The following EFHB variants were observed in gnomAD, a reference collection of about 807,000 sequenced individuals.
EFHB encodes EF-hand domain-containing family member B.
EFHB carries 91 observed loss-of-function variants against 87.2 expected under a neutral mutation model. The observed-to-expected ratio is 1.04, with a 90% CI of 0.88 to 1.24. EFHB has a LOEUF of 1.24. Ranked by LOEUF, EFHB falls within the 50% of genes most tolerant of loss-of-function variation. The probability of loss-of-function intolerance (pLI) is 0.00; values close to 1 mark genes in which losing one functional copy is unlikely to be tolerated. For missense variants in EFHB, 1,084 were observed against 998.8 expected, an observed-to-expected ratio of 1.09 and a Z score of -1.15; for synonymous variants, 325 against 333.6, an observed-to-expected ratio of 0.97 and a Z score of 0.28.
In EFHB at chr3:19,888,622, CTCG is replaced by C. The variant is rs1286340675; in HGVS notation, c.1752_1754del (p.Asp584del). The stretch of plus-strand genomic sequence containing the variant: ...TGGCCTGGTCACAAGCTTCCTGCAG[CTCG>C]TCTTTATCTATCATCCCATCTCCCT... On this transcript the variant is annotated inframe_deletion, in exon 10 of 13. Transcript: ENST00000295824. 1 of 1,606,644 alleles carries C rather than the reference CTCG, an allele frequency of 6.2e-7. No homozygotes were observed. The highest frequency in any genetic ancestry group is 1.3e-5 in the African/African-American group (1 of 74,982).
At chr3:19,909,377 A>G (rs1694978207) in intron 5 of EFHB, among the ~76,000 whole-genome samples, 4 of 152,114 alleles carry the variant, frequency 2.6e-5, no homozygotes, top group Admixed American at 2.6e-4. Context: ...AATCAGCCCC[A>G]CCAGAAAAGG....
intron 1 of EFHB, among the ~76,000 whole-genome samples, chr3:19,923,070 A>G (rs1695492007): frequency 6.6e-6 from 1 of 152,136 alleles, no homozygotes; most frequent in South Asian, 2.1e-4. Context: ...GTTCAAGACC[A>G]GTCTGACCAA....
intron 5 of EFHB, among the ~76,000 whole-genome samples, chr3:19,908,598 G>GAAAGAGAGAAAGAA (rs59547593): frequency 5.1e-5 from 4 of 77,798 alleles, no homozygotes; most frequent in Non-Finnish European, 9.7e-5. Flanking sequence ...GAGAGAGAGA[G>GAAAGAGAGAAAGAA]AGAAAGAAAG....
At position 19,882,547 on chromosome 3, in the gene EFHB, T is replaced by A; in HGVS notation, c.2328+3A>T. 6.3e-7 allele frequency: 1 copy of A among 1,592,884 alleles called. No individual in the cohort carries two copies. Among genetic ancestry groups the A allele is most frequent in the Non-Finnish European group, 8.6e-7 (1 of 1,167,452 alleles). ...TCCATTTTTGTATGCTTATATGCTA[T>A]ACCTCTTCTTTTGATCTGGTCTTGA... On this transcript the variant is annotated splice_donor_region_variant and intron_variant, in intron 12 of 12. Coordinates refer to ENST00000295824, the MANE Select transcript of EFHB (RefSeq NM_144715.4).
chr3:19,934,317 A>G (rs1184201296), upstream of EFHB: 6 of 1,043,332 alleles, frequency 5.8e-6, no homozygotes, highest in Middle Eastern at 3.9e-4. Context: ...CTCTCTCTCA[A>G]TCTCTCTCTC....
chr3:19,926,746 C>T (rs577621568), intron 1 of EFHB, among the ~76,000 whole-genome samples: 6 of 151,774 alleles, frequency 4.0e-5, no homozygotes, highest in African/African-American at 7.2e-5. Context: ...CAGCAACCTC[C>T]GCCTCCCGGG....
chr3:19,940,328 C>A, intron 1 of EFHB: 1 of 319,310 alleles, frequency 3.1e-6, no homozygotes, highest in South Asian at 2.7e-5. Context: ...ACAGTGAATC[C>A]CCTAGGCATT....
chr3:19,946,275 G>C (rs911696774), intron 1 of EFHB: 2 of 152,216 alleles, frequency 1.3e-5, no homozygotes, highest in African/African-American at 4.8e-5. Flanking sequence ...TCTACAACTA[G>C]AACTGAAGAC....
chr3:19,896,643 C>A, intron 9 of EFHB, 44 bp downstream of exon 9: 4 of 1,613,510 alleles, frequency 2.5e-6, no homozygotes, highest in Non-Finnish European at 3.4e-6. Flanking sequence ...CTGCTGGGAT[C>A]TGTAAGCCCA....
chr3:19,893,783 G>C (rs1225537299), intron 9 of EFHB, among the ~76,000 whole-genome samples: 1 of 152,164 alleles, frequency 6.6e-6, no homozygotes, highest in Admixed American at 6.5e-5. Context: ...CACAAGGTGA[G>C]CAAATACCAT....
chr3:19,891,503 G>A (rs1036381937), intron 9 of EFHB, among the ~76,000 whole-genome samples: 4 of 152,152 alleles, frequency 2.6e-5, no homozygotes, highest in African/African-American at 9.7e-5. Flanking sequence ...GAAACCTGGT[G>A]GTCTTCACTG....
intron 1 of EFHB, chr3:19,946,393 T>C (rs1471346037): frequency 2.0e-5 from 3 of 152,290 alleles, no homozygotes; most frequent in Non-Finnish European, 2.9e-5. Flanking sequence ...AGTTTCAGAA[T>C]GAAAGACTCG....
In EFHB at chr3:19,882,564, T is replaced by C. The variant is rs1248911813; in HGVS notation, c.2314A>G (p.Arg772Gly). Residue 772 changes from arginine to glycine, a missense_variant, in exon 12 of 13, where the codon AGA (arginine) becomes GGA (glycine). Arg to Gly is a moderately radical substitution (Grantham distance 125, BLOSUM62 -2). Coordinates refer to ENST00000295824, the MANE Select transcript of EFHB (RefSeq NM_144715.4). ...ATATGCTATACCTCTTCTTTTGATC[T>C]GGTCTTGAAGAAGTCTCTTTCAAAC... ...GVFERDFFKT[R>G]SKEEIAEILC... 6.2e-7 allele frequency: 1 copy of C among 1,602,972 alleles called. No individual in the cohort carries two copies. Among genetic ancestry groups the C allele is most frequent in the African/African-American group, 1.3e-5 (1 of 74,950 alleles).
rs186266248 is a variant in EFHB at position 19,932,017 on chromosome 3, C to G, written c.789+1213G>C. On this transcript the variant is annotated intron_variant, in intron 1 of 12. Transcript: ENST00000295824. Reference sequence around the variant, plus strand: ...ACCTGTCATCTCATATTGAAGATAGCCAACACTGGACATTCATTTGCCACC... The same window carrying G: ...ACCTGTCATCTCATATTGAAGATAGGCAACACTGGACATTCATTTGCCACC... Among the ~76,000 whole-genome samples the G allele has an allele frequency of 2.6e-4, 40 of 152,292 alleles. No homozygotes were observed. The East Asian group carries it at 7.7e-3, about 29-fold the overall frequency.
At chr3:19,885,685 C>T (rs1694074827) in intron 10 of EFHB, among the ~76,000 whole-genome samples, 1 of 152,260 alleles carries the variant, frequency 6.6e-6, no homozygotes, top group South Asian at 2.1e-4. Flanking sequence ...AGGGTGGATA[C>T]CGTGGCAAAC....
chr3:19,898,926 T>G, intron 7 of EFHB, 81 bp from the exon 8 acceptor site: 1 of 1,380,614 alleles, frequency 7.2e-7, no homozygotes, highest in Non-Finnish European at 1.0e-6. Context: ...CCATATGTTC[T>G]TAGTAGCCCA....
In EFHB at chr3:19,933,886, C is replaced by T. The variant is rs370568834; in HGVS notation, c.133G>A (p.Glu45Lys). The T allele has an allele frequency of 1.5e-5, 25 of 1,613,870 alleles. No homozygotes were observed. In the African/African-American group the frequency reaches 2.7e-4, roughly 17 times the overall value. The change falls in exon 1 of 13, where the codon GAG (glutamate) becomes AAG (lysine). Residue 45 changes from glutamate to lysine, a missense_variant. Coordinates refer to ENST00000295824, the MANE Select transcript of EFHB (RefSeq NM_144715.4). ...CACTTATTACTAACCACAGGGCTCTCCCCGCATCGGGAATCTTCTTTTCCT... is the reference window on the plus strand; with the variant it reads ...CACTTATTACTAACCACAGGGCTCTTCCCGCATCGGGAATCTTCTTTTCCT... Reference protein sequence around the residue: ...GLGKEDSRCGESPVVSNKCEG... With the variant: ...GLGKEDSRCGKSPVVSNKCEG...
chr3:19,903,339 G>T (rs969934939), intron 6 of EFHB, among the ~76,000 whole-genome samples: 7 of 152,060 alleles, frequency 4.6e-5, no homozygotes, highest in Admixed American at 4.6e-4. Flanking sequence ...ATTGATATTT[G>T]CTCTGCTCTT....
chr3:19,933,867 T>C lies in EFHB; in HGVS notation c.152A>G (p.Asn51Ser), dbSNP rs747041109. 1.1e-5 allele frequency: 18 copies of C among 1,613,836 alleles called. No individual in the cohort carries two copies. The highest frequency in any genetic ancestry group is 1.3e-5 in the African/African-American group (1 of 74,920). ...SRCGESPVVS[N>S]KCEGRMAPPE... ...TGGTGCCATCCTTCCCTCACACTTATTACTAACCACAGGGCTCTCCCCGCA... is the reference window on the plus strand; with the variant it reads ...TGGTGCCATCCTTCCCTCACACTTACTACTAACCACAGGGCTCTCCCCGCA... The change falls in exon 1 of 13, where the codon AAT (asparagine) becomes AGT (serine). Residue 51 changes from asparagine (N) to serine (S), a missense_variant. Asn to Ser is a conservative substitution (Grantham distance 46). Coordinates refer to ENST00000295824, the MANE Select transcript of EFHB (RefSeq NM_144715.4).
Sources: gnomAD v4.1 joint callset for allele counts (sites outside exome capture counted in the v4.1 genomes callset) on GRCh38, gnomAD v4.1.1 for gene constraint, MANE v1.5 for transcripts, NCBI Gene and HGNC (gene_info 2026-07-23, HGNC 2026-07-21) for gene names.